GSK3B: variants seen among roughly 807,000 people sequenced by gnomAD.
The protein encoded by GSK3B is glycogen synthase kinase 3 beta.
GSK3B carries 15 observed loss-of-function variants against 56.4 expected under a neutral mutation model. The observed-to-expected ratio is 0.27, with a 90% CI of 0.18 to 0.41. The LOEUF is 0.41. Ranked by LOEUF, GSK3B falls within the 10% of genes least tolerant of loss-of-function variation. The pLI is 1.00. For missense variants in GSK3B, 300 were observed against 513.4 expected, an observed-to-expected ratio of 0.58 and a Z score of 4.02; for synonymous variants, 181 against 188.9, an observed-to-expected ratio of 0.96 and a Z score of 0.34.
At chr3:119,916,263 A>G in intron 4 of GSK3B, 89 bp from the exon 5 acceptor site, 1 of 1,118,556 alleles carries the variant, frequency 8.9e-7, no homozygotes, top group Non-Finnish European at 1.3e-6. Flanking sequence ...AGATTCTCAG[A>G]AAAGAACAGG....
intron 1 of GSK3B, among the ~76,000 whole-genome samples, chr3:120,027,549 C>A (rs917146831): frequency 5.9e-5 from 9 of 152,114 alleles, no homozygotes; most frequent in Non-Finnish European, 1.2e-4. Context: ...TAGAGCCAAT[C>A]CAGATGTCCA....
intron 1 of GSK3B, chr3:120,041,383 C>T (rs1239144857): frequency 2.7e-5 from 8 of 299,580 alleles, no homozygotes; most frequent in Non-Finnish European, 4.8e-5. Flanking sequence ...GTGGTGAGCA[C>T]AGGATGGAAC....
At chr3:119,837,401 G>A (rs1291193717) in intron 10 of GSK3B, among the ~76,000 whole-genome samples, 3 of 150,306 alleles carry the variant, frequency 2.0e-5, no homozygotes, top group Non-Finnish European at 4.4e-5. Flanking sequence ...TCTTGACCTC[G>A]TGATCCACCC....
intron 2 of GSK3B, among the ~76,000 whole-genome samples, chr3:119,961,929 G>C (rs2057276516): frequency 1.3e-5 from 2 of 152,206 alleles, no homozygotes; most frequent in Admixed American, 6.5e-5. Flanking sequence ...GCCAACATAG[G>C]TGTTCTGAGC....
At chr3:120,036,792 C>CAAAA (rs560163237) in intron 1 of GSK3B, among the ~76,000 whole-genome samples, 1,239 of 64,140 alleles carry the variant, frequency 0.019, 116 homozygotes, top group African/African-American at 0.062. Context: ...GACTCCGACT[C>CAAAA]AAAAAAAAAA....
At chr3:119,894,943 T>C (rs768745680) in intron 7 of GSK3B, among the ~76,000 whole-genome samples, 2 of 152,166 alleles carry the variant, frequency 1.3e-5, no homozygotes, top group East Asian at 1.9e-4. Flanking sequence ...TAAGTGTATA[T>C]AGTTTTGAGG....
intron 6 of GSK3B, among the ~76,000 whole-genome samples, chr3:119,912,139 A>G (rs2056740310): frequency 6.6e-6 from 1 of 152,186 alleles, no homozygotes; most frequent in South Asian, 2.1e-4. Context: ...CTGCAGAGTT[A>G]TTAATTGGCC....
At chr3:120,052,330 A>G (rs2058157278) in intron 1 of GSK3B, among the ~76,000 whole-genome samples, 1 of 152,236 alleles carries the variant, frequency 6.6e-6, no homozygotes, top group South Asian at 2.1e-4. Flanking sequence ...AGGTGAAAAT[A>G]GGCTTTCTCA....
At chr3:120,039,287 T>C (rs1206733612) in intron 1 of GSK3B, among the ~76,000 whole-genome samples, 2 of 152,184 alleles carry the variant, frequency 1.3e-5, no homozygotes, top group Non-Finnish European at 2.9e-5. Flanking sequence ...ACATCAGCAG[T>C]TTCCTGCAAA....
intron 2 of GSK3B, among the ~76,000 whole-genome samples, chr3:119,988,536 C>T (rs1487561333): frequency 6.6e-6 from 1 of 152,196 alleles, no homozygotes; most frequent in Non-Finnish European, 1.5e-5. Flanking sequence ...CTTTAAGGAA[C>T]CATACTTACA....
rs112384111 is a variant in GSK3B at position 119,840,905 on chromosome 3, G to A, written c.1195+2350C>T. ...CTTAAACAGCAGGGCCAGAAACACC[G>A]TTTTTTCTAAGCCACCAGTGTGCTT... On this transcript the variant is annotated intron_variant, in intron 10 of 10. Coordinates refer to ENST00000264235, the MANE Select transcript of GSK3B (RefSeq NM_001146156.2). Among the ~76,000 whole-genome samples, 8 of 152,256 alleles carry A rather than the reference G, an allele frequency of 5.3e-5. No individual in the cohort carries two copies. The East Asian group carries it at 9.6e-4, about 18-fold the overall frequency.
chr3:119,866,671 C>G (rs2056187279), intron 8 of GSK3B: 1 of 1,381,458 alleles, frequency 7.2e-7, no homozygotes, highest in Non-Finnish European at 1.0e-6. Flanking sequence ...CAGGGGAAGT[C>G]AATCCAAAAG....
At chr3:119,935,024 A>G (rs1427794947) in intron 3 of GSK3B, among the ~76,000 whole-genome samples, 1 of 152,124 alleles carries the variant, frequency 6.6e-6, no homozygotes, top group African/African-American at 2.4e-5. Context: ...CTCCTAGATT[A>G]TTTTTGAGCA....
chr3:119,877,574 A>G (rs968026908), intron 7 of GSK3B, among the ~76,000 whole-genome samples: 1 of 152,176 alleles, frequency 6.6e-6, no homozygotes, highest in African/African-American at 2.4e-5. Flanking sequence ...TATTATCGAT[A>G]TATCAGGCAA....
chr3:119,954,126 T>C (rs2057185869), intron 2 of GSK3B, among the ~76,000 whole-genome samples: 1 of 152,092 alleles, frequency 6.6e-6, no homozygotes, highest in Non-Finnish European at 1.5e-5. Flanking sequence ...AACAAAGTAA[T>C]TTCCCAGCTT....
chr3:119,842,718 A>G (rs1316661557), intron 10 of GSK3B, among the ~76,000 whole-genome samples: 1 of 152,052 alleles, frequency 6.6e-6, no homozygotes, highest in Non-Finnish European at 1.5e-5. Context: ...AAGATGACAG[A>G]ATTTAACATT....
intron 1 of GSK3B, among the ~76,000 whole-genome samples, chr3:120,058,123 G>A (rs1012296687): frequency 6.6e-6 from 1 of 151,862 alleles, no homozygotes; most frequent in Non-Finnish European, 1.5e-5. Context: ...CAATTTGGGG[G>A]GAACAGTTAC....
At position 120,011,268 on chromosome 3, in the gene GSK3B, C is replaced by T. The variant is rs146359585; in HGVS notation, c.89-9029G>A. Among the ~76,000 whole-genome samples, 157 of 152,274 alleles carry T rather than the reference C, an allele frequency of 1.0e-3. 2 individuals are homozygous for T. The Middle Eastern group carries it at 0.02, about 20-fold the overall frequency. ...TAAGCAATATAAGCATTTGTGATGA[C>T]GTTCCCTATTTGCCTCCACAGGTTC... On this transcript the variant is annotated intron_variant, in intron 1 of 10. Transcript: ENST00000264235.
At chr3:119,929,157 T>C (rs1301027078) in intron 3 of GSK3B, among the ~76,000 whole-genome samples, 1 of 151,918 alleles carries the variant, frequency 6.6e-6, no homozygotes, top group African/African-American at 2.4e-5. Flanking sequence ...AATGCAGAGA[T>C]CAATATTCAG....
Sources: allele counts gnomAD v4.1 joint callset (sites outside exome capture counted in the v4.1 genomes callset), GRCh38; gene constraint gnomAD v4.1.1; transcripts MANE v1.5; gene names NCBI Gene and HGNC (gene_info 2026-07-23, HGNC 2026-07-21).